The following VPS53 variants were observed in gnomAD, a reference collection of about 807,000 sequenced individuals.
VPS53 encodes the protein vacuolar protein sorting-associated protein 53 homolog.
Under a neutral mutation model 107.0 loss-of-function variants are expected in VPS53, and 70 were observed. That is an observed-to-expected ratio of 0.65 (90% confidence interval 0.54 to 0.80). VPS53 has a LOEUF of 0.80. Ranked by LOEUF, VPS53 falls within the 30% of genes least tolerant of loss-of-function variation. The pLI is 0.00. For synonymous variants in VPS53, 409 were observed against 393.3 expected, an observed-to-expected ratio of 1.04 and a Z score of -0.47; for missense variants, 917 against 1,049.4, an observed-to-expected ratio of 0.87 and a Z score of 1.74.
intron 1 of VPS53, among the ~76,000 whole-genome samples, chr17:712,166 G>C (rs1288961606): frequency 6.9e-6 from 1 of 144,110 alleles, no homozygotes; most frequent in Non-Finnish European, 1.5e-5. Context: ...CATGTCTAGA[G>C]TGACTTTCGC....
In VPS53 at chr17:628,226, T is replaced by C. The variant is rs1253562923; in HGVS notation, c.693A>G (p.Pro231=). 4 of 1,613,556 alleles carry C rather than the reference T, an allele frequency of 2.5e-6. No homozygotes were observed. The highest frequency in any genetic ancestry group is 3.3e-5 in the Admixed American group (2 of 59,872). The change falls in exon 9 of 22, where the codon CCA becomes CCG. Residue 231 remains proline (P), a synonymous_variant. Transcript: ENST00000437048. ...CTCGTAGAACATTGCTGGGTCCTCC[T>C]GGTCTCTAGTAAAACAAACATGTAC... is the stretch of plus-strand genomic sequence containing the variant. The part of the protein sequence containing the change: ...EAFPSQGTKR[P]GGPSNVLRDA...
chr17:659,290 T>TA (rs1261761391), intron 5 of VPS53, among the ~76,000 whole-genome samples: 30 of 152,190 alleles, frequency 2.0e-4, no homozygotes, highest in Admixed American at 6.5e-4. Context: ...TTTATTTATT[T>TA]TTTTATTTTT....
intron 17 of VPS53, among the ~76,000 whole-genome samples, chr17:543,194 T>C (rs182091727): frequency 9.2e-5 from 14 of 152,226 alleles, no homozygotes; most frequent in Admixed American, 7.2e-4. Context: ...TGATTCAACG[T>C]AGAAGTGAAC....
At chr17:663,380 G>C (rs950166003) in intron 4 of VPS53, among the ~76,000 whole-genome samples, 1 of 152,242 alleles carries the variant, frequency 6.6e-6, no homozygotes, top group Admixed American at 6.5e-5. Flanking sequence ...AGTGCCAGCA[G>C]GCCACAGACG....
chr17:598,766 A>C (rs1597363051), intron 12 of VPS53, among the ~76,000 whole-genome samples: 1 of 108,058 alleles, frequency 9.3e-6, no homozygotes, highest in Admixed American at 9.7e-5. Context: ...TCCGCCCGGC[A>C]GCCGCCCCGT....
In VPS53 at chr17:689,464, ATTTTT is replaced by A. The variant is rs1184638230; in HGVS notation, c.285+7949_285+7953del. Among the ~76,000 whole-genome samples the A allele has an allele frequency of 8.1e-5, 9 of 111,634 alleles. 1 individual carries two copies. The highest frequency in any genetic ancestry group is 1.8e-4 in the African/African-American group (5 of 28,542). 73.2% of individuals were successfully genotyped at this position (111,634 alleles called of 152,430 possible). On this transcript the variant is annotated intron_variant, in intron 4 of 21. Coordinates refer to ENST00000437048, the MANE Select transcript of VPS53 (RefSeq NM_001128159.3). ...AGGTTTGTGCCACCATGCTGGACTA[ATTTTT>A]TTTTTTTTTTTTTTTTTTTTTTGAG...
chr17:606,419 G>A (rs1968581089), intron 11 of VPS53, among the ~76,000 whole-genome samples: 1 of 152,120 alleles, frequency 6.6e-6, no homozygotes, highest in Non-Finnish European at 1.5e-5. Flanking sequence ...ACCTCGTATG[G>A]CTGCCATGAG....
intron 19 of VPS53, among the ~76,000 whole-genome samples, chr17:529,725 A>C (rs1909386659): frequency 6.6e-6 from 1 of 152,084 alleles, no homozygotes; most frequent in African/African-American, 2.4e-5. Context: ...CTAGGTATTT[A>C]ATGTTTCCTG....
At chr17:670,151 G>C (rs373199837) in intron 4 of VPS53, among the ~76,000 whole-genome samples, 1 of 152,082 alleles carries the variant, frequency 6.6e-6, no homozygotes, top group East Asian at 1.9e-4. Flanking sequence ...GTTATAAAGC[G>C]GCGACTGTGT....
In VPS53 at chr17:604,941, TAG is replaced by T. The variant is rs1227320595; in HGVS notation, c.1117-3047_1117-3046del. On this transcript the variant is annotated intron_variant, in intron 11 of 21. Transcript: ENST00000437048. Reference sequence around the variant, plus strand: ...GGCCAGCCTCCGCCCTCATGGAGATTAGAGTCTGCTGGGGGAGACAGCCTTCA... The same window carrying T: ...GGCCAGCCTCCGCCCTCATGGAGATTAGTCTGCTGGGGGAGACAGCCTTCA... Among the ~76,000 whole-genome samples the T allele has an allele frequency of 6.6e-5, 10 of 152,224 alleles. No individual in the cohort carries two copies. In the East Asian group the frequency reaches 1.9e-3, roughly 29 times the overall value.
Position 699,713 on chromosome 17 carries a change from T to C in VPS53, c.169-333A>G, listed in dbSNP as rs187806718. On this transcript the variant is annotated intron_variant, in intron 2 of 21. Coordinates refer to ENST00000437048, the MANE Select transcript of VPS53 (RefSeq NM_001128159.3). Reference sequence around the variant, plus strand: ...CACAAAGCCTGAAGTATTTACTATCTGGACCTTTACAGGAGAGTCTGCTGA... The same window carrying C: ...CACAAAGCCTGAAGTATTTACTATCCGGACCTTTACAGGAGAGTCTGCTGA... Among the ~76,000 whole-genome samples the C allele has an allele frequency of 8.5e-5, 13 of 152,342 alleles. No individual in the cohort carries two copies. The East Asian group carries it at 2.5e-3, about 29-fold the overall frequency.
intron 17 of VPS53, among the ~76,000 whole-genome samples, chr17:550,853 A>T (rs1191970492): frequency 1.3e-5 from 2 of 152,004 alleles, no homozygotes; most frequent in Non-Finnish European, 2.9e-5. Flanking sequence ...GGGCTGACTG[A>T]TGGGCCACCA....
Position 705,199 on chromosome 17 carries a change from T to C in VPS53, c.168+5334A>G, listed in dbSNP as rs571591159. ...TCCAGCCCTACCTGCCACTGAAACC[T>C]GCTCTTTCTCCTTACACTCAGTAAT... is the stretch of plus-strand genomic sequence containing the variant. On this transcript the variant is annotated intron_variant, in intron 2 of 21. Transcript: ENST00000437048. Among the ~76,000 whole-genome samples, 5 of 152,250 alleles carry C rather than the reference T, an allele frequency of 3.3e-5. No homozygotes were observed. The South Asian group carries it at 1.0e-3, about 32-fold the overall frequency.
At position 512,285 on chromosome 17, in the gene VPS53, G is replaced by C. The variant is rs555488792; in HGVS notation, c.*6843C>G. 6.6e-6 allele frequency: 1 copy of C among 152,134 alleles called. No individual in the cohort carries two copies. The highest frequency in any genetic ancestry group is 2.4e-5 in the African/African-American group (1 of 41,426). 9.4% of individuals were successfully genotyped at this position (152,134 alleles called of 1,614,324 possible). Reference sequence around the variant, plus strand: ...ATGGCAGAGCAAGTGCATATAGCCCGGTCTTGTGTGACCTTCACAGCCAAT... The same window carrying C: ...ATGGCAGAGCAAGTGCATATAGCCCCGTCTTGTGTGACCTTCACAGCCAAT... On this transcript the variant is annotated 3_prime_UTR_variant, in exon 22 of 22. Transcript: ENST00000437048.
intron 7 of VPS53, among the ~76,000 whole-genome samples, chr17:651,401 G>A (rs931677392): frequency 2.0e-5 from 3 of 152,210 alleles, no homozygotes; most frequent in Admixed American, 6.5e-5. Context: ...CCAGCCCTGG[G>A]CCACAGAGTG....
intron 4 of VPS53, among the ~76,000 whole-genome samples, chr17:686,854 C>T (rs554744472): frequency 2.0e-5 from 3 of 152,302 alleles, no homozygotes; most frequent in Admixed American, 1.3e-4. Context: ...TTTTAAAATA[C>T]ATTTATTCTA....
At chr17:685,763 G>A (rs1175086669) in intron 4 of VPS53, among the ~76,000 whole-genome samples, 1 of 152,154 alleles carries the variant, frequency 6.6e-6, no homozygotes, top group Non-Finnish European at 1.5e-5. Context: ...CACTCAGGAG[G>A]CTGAGGCAGG....
chr17:702,189 C>A (rs867700162), intron 2 of VPS53, among the ~76,000 whole-genome samples: 1 of 151,652 alleles, frequency 6.6e-6, no homozygotes, highest in Non-Finnish European at 1.5e-5. Flanking sequence ...TCCGTCTCTA[C>A]AAAAAAATAG....
chr17:673,110 G>A (rs1189707488), intron 4 of VPS53, among the ~76,000 whole-genome samples: 16 of 123,672 alleles, frequency 1.3e-4, no homozygotes, highest in Non-Finnish European at 2.3e-4. Context: ...AGATTCCGTC[G>A]CAAAAAAAAA....
Sources: gnomAD v4.1 joint callset for allele counts (sites outside exome capture counted in the v4.1 genomes callset) on GRCh38, gnomAD v4.1.1 for gene constraint, MANE v1.5 for transcripts, NCBI Gene and HGNC (gene_info 2026-07-23, HGNC 2026-07-21) for gene names.